The following SRGAP1 variants were observed in gnomAD, a reference collection of about 807,000 sequenced individuals.
SRGAP1 encodes the protein SLIT-ROBO Rho GTPase-activating protein 1.
A neutral mutation model predicts 121.9 loss-of-function variants in SRGAP1; 43 were observed. The observed-to-expected ratio is 0.35, with a 90% CI of 0.28 to 0.46. The LOEUF (loss-of-function observed/expected upper bound fraction) is 0.46, where lower values mean the gene tolerates loss of function less well. Ranked by LOEUF, SRGAP1 falls within the 20% of genes least tolerant of loss-of-function variation. The probability of loss-of-function intolerance (pLI) is 1.00; values close to 1 mark genes in which losing one functional copy is unlikely to be tolerated. For missense variants in SRGAP1, 1,102 were observed against 1,350.9 expected, an observed-to-expected ratio of 0.82 and a Z score of 2.89; for synonymous variants, 447 against 485.4, an observed-to-expected ratio of 0.92 and a Z score of 1.04.
At chr12:64,137,248 GAC>G (rs139046623) in intron 21 of SRGAP1, among the ~76,000 whole-genome samples, 5,901 of 149,940 alleles carry the variant, frequency 0.039, 383 homozygotes, top group African/African-American at 0.14. Context: ...CAGCCTAGGT[GAC>G]ACAGTGAGAC....
At chr12:63,956,302 C>T (rs1436188426) in intron 1 of SRGAP1, among the ~76,000 whole-genome samples, 2 of 152,124 alleles carry the variant, frequency 1.3e-5, no homozygotes, top group African/African-American at 4.8e-5. Flanking sequence ...TGGGCTCAAG[C>T]GATCCGTCTG....
At chr12:63,992,442 G>A (rs1282492167) in intron 3 of SRGAP1, among the ~76,000 whole-genome samples, 3 of 152,262 alleles carry the variant, frequency 2.0e-5, no homozygotes, top group South Asian at 4.1e-4. Context: ...TCTGGGGCTG[G>A]CATGGCATTT....
intron 4 of SRGAP1, among the ~76,000 whole-genome samples, chr12:64,025,541 G>T (rs972620864): frequency 6.6e-6 from 1 of 152,168 alleles, no homozygotes. Context: ...GACTACAGAG[G>T]CCTGGGTCTC....
intron 3 of SRGAP1, 92 bp from the exon 4 acceptor site, chr12:64,016,858 T>G: frequency 1.5e-6 from 1 of 682,150 alleles, no homozygotes; most frequent in South Asian, 2.3e-5. Context: ...GCTGTCTTTC[T>G]GTCGTGTTAG....
At chr12:64,068,958 C>T (rs990217013) in intron 8 of SRGAP1, among the ~76,000 whole-genome samples, 7 of 149,484 alleles carry the variant, frequency 4.7e-5, no homozygotes, top group Admixed American at 4.0e-4. Flanking sequence ...TGCAGTGAGC[C>T]GAGATCATGC....
intron 4 of SRGAP1, among the ~76,000 whole-genome samples, chr12:64,022,594 C>T (rs1181773180): frequency 6.6e-6 from 1 of 152,138 alleles, no homozygotes; most frequent in East Asian, 1.9e-4. Context: ...GTCAAGTTGA[C>T]ACATAAAATT....
chr12:64,103,058 TC>T (rs1237198899), intron 15 of SRGAP1, among the ~76,000 whole-genome samples: 3 of 152,132 alleles, frequency 2.0e-5, no homozygotes, highest in African/African-American at 7.2e-5. Context: ...TGATCACAGC[TC>T]ACTGCAACCT....
intron 1 of SRGAP1, among the ~76,000 whole-genome samples, chr12:63,926,931 T>C (rs1313403019): frequency 6.6e-6 from 1 of 152,160 alleles, no homozygotes; most frequent in Non-Finnish European, 1.5e-5. Context: ...GTCGATAATA[T>C]TGAAATTATT....
At chr12:63,980,112 C>T (rs1407614324) in intron 1 of SRGAP1, among the ~76,000 whole-genome samples, 4 of 152,144 alleles carry the variant, frequency 2.6e-5, no homozygotes, top group South Asian at 2.1e-4. Context: ...GTGCCAGTGG[C>T]GTGATCACAA....
chr12:63,979,572 A>G (rs1022028625), intron 1 of SRGAP1, among the ~76,000 whole-genome samples: 13 of 151,752 alleles, frequency 8.6e-5, no homozygotes, highest in Non-Finnish European at 2.9e-5. Flanking sequence ...TCCTCTTTCC[A>G]TAGCTTCCTG....
At chr12:63,999,794 T>C (rs955787759) in intron 3 of SRGAP1, among the ~76,000 whole-genome samples, 3 of 152,226 alleles carry the variant, frequency 2.0e-5, no homozygotes, top group Admixed American at 2.0e-4. Flanking sequence ...GTTGGGAATC[T>C]TCCACCTTTG....
At chr12:64,089,683 G>A (rs1327859885) in intron 11 of SRGAP1, among the ~76,000 whole-genome samples, 1 of 152,178 alleles carries the variant, frequency 6.6e-6, no homozygotes, top group African/African-American at 2.4e-5. Flanking sequence ...TCCGTGGCAG[G>A]AGATGACATG....
At chr12:63,929,580 T>G (rs1342623849) in intron 1 of SRGAP1, among the ~76,000 whole-genome samples, 76 of 151,854 alleles carry the variant, frequency 5.0e-4, no homozygotes, top group African/African-American at 1.7e-3. Context: ...CACGAGTTTT[T>G]TTTTTTTTTT....
chr12:64,046,688 T>C (rs2035137077), intron 6 of SRGAP1, among the ~76,000 whole-genome samples: 1 of 152,152 alleles, frequency 6.6e-6, no homozygotes, highest in African/African-American at 2.4e-5. Flanking sequence ...GTAGTCCTGC[T>C]ATGTCTGAGA....
intron 18 of SRGAP1, among the ~76,000 whole-genome samples, chr12:64,123,973 G>A (rs2036648205): frequency 6.6e-6 from 1 of 152,066 alleles, no homozygotes; most frequent in African/African-American, 2.4e-5. Context: ...CACTTTGGGA[G>A]GCCATGGCTG....
rs1179789926 is a variant in SRGAP1, at chr12:64,125,915, A to G, written c.2225-62A>G. 6 of 1,557,070 alleles carry G rather than the reference A, an allele frequency of 3.9e-6. No individual in the cohort carries two copies. The African/African-American group carries it at 8.1e-5, about 21-fold the overall frequency. On this transcript the variant is annotated intron_variant, in intron 18 of 21. Transcript: ENST00000355086. ...TTGAAGCCTCATAGAGCCCTCACAG[A>G]TAGGATACCATGCCTTCCTAACAAC...
At chr12:64,112,648 G>A (rs891415789) in intron 17 of SRGAP1, among the ~76,000 whole-genome samples, 2 of 152,104 alleles carry the variant, frequency 1.3e-5, no homozygotes, top group African/African-American at 4.8e-5. Context: ...TAGACACTTA[G>A]GTTGTTTTCA....
At chr12:64,119,691 CT>C (rs1307114348) in intron 18 of SRGAP1, among the ~76,000 whole-genome samples, 6 of 145,410 alleles carry the variant, frequency 4.1e-5, no homozygotes, top group East Asian at 2.0e-4. Flanking sequence ...TGCACAAATT[CT>C]TTTTTTTATT....
chr12:64,093,695 G>C (rs1229267654), intron 12 of SRGAP1, among the ~76,000 whole-genome samples: 2 of 152,006 alleles, frequency 1.3e-5, no homozygotes, highest in Non-Finnish European at 2.9e-5. Context: ...TTATTCTTAA[G>C]ACTCTTCTTT....
Sources: gnomAD v4.1 joint callset for allele counts (sites outside exome capture counted in the v4.1 genomes callset) on GRCh38, gnomAD v4.1.1 for gene constraint, MANE v1.5 for transcripts, NCBI Gene and HGNC (gene_info 2026-07-23, HGNC 2026-07-21) for gene names.